Variants in ABR observed in about 807,000 individuals in gnomAD.
ABR encodes the protein ABR activator of RhoGEF and GTPase.
Under a neutral mutation model 107.2 loss-of-function variants are expected in ABR, and 35 were observed. The observed-to-expected ratio is 0.33, with a 90% confidence interval of 0.25 to 0.43. The LOEUF is 0.43. Ranked by LOEUF, ABR falls within the 20% of genes least tolerant of loss-of-function variation. The pLI, the probability that ABR is intolerant of heterozygous loss-of-function variation, is 1.00. For synonymous variants in ABR, 498 were observed against 462.0 expected (o/e 1.08, Z -1.00); for missense variants, 815 against 1,115.2 (o/e 0.73, Z 3.83).
chr17:1,203,314 GC>G (rs1292286756), intron 1 of ABR, among the ~76,000 whole-genome samples: 1 of 151,168 alleles, frequency 6.6e-6, no homozygotes, highest in Non-Finnish European at 1.5e-5. Context: ...GCTCGTGGGG[GC>G]GGAGTCCATG....
At chr17:1,025,498 G>A (rs930884372) in intron 16 of ABR, among the ~76,000 whole-genome samples, 9 of 152,186 alleles carry the variant, frequency 5.9e-5, no homozygotes, top group Non-Finnish European at 8.8e-5. Context: ...TAAAGGCCCT[G>A]TCCTGAACCG....
chr17:1,060,279 G>A (rs930959019), intron 10 of ABR, among the ~76,000 whole-genome samples: 2 of 151,992 alleles, frequency 1.3e-5, no homozygotes, highest in Non-Finnish European at 2.9e-5. Context: ...GCGTGGTGGC[G>A]GGCGCCTGTA....
chr17:1,223,286 A>T (rs28672077), intron 1 of ABR, among the ~76,000 whole-genome samples: 76,945 of 149,460 alleles, frequency 0.51, 20,162 homozygotes, highest in Middle Eastern at 0.57. Flanking sequence ...CATCTCAAAC[A>T]AACAAAAAAT....
intron 3 of ABR, among the ~76,000 whole-genome samples, chr17:1,095,624 C>T (rs2037365602): frequency 6.6e-6 from 1 of 152,156 alleles, no homozygotes; most frequent in Non-Finnish European, 1.5e-5. Context: ...GGCCCCGGCT[C>T]TCCATTTCAC....
intron 1 of ABR, among the ~76,000 whole-genome samples, chr17:1,195,135 G>T (rs1347628382): frequency 1.2e-4 from 17 of 140,550 alleles, no homozygotes; most frequent in South Asian, 5.0e-4. Flanking sequence ...GTGAAACCCC[G>T]TCTCTACTAA....
rs1597317708 is a variant in ABR at position 1,004,890 on chromosome 17, G to C, written c.*1190C>G. 7.6e-6 allele frequency: 3 copies of C among 397,258 alleles called. No homozygotes were observed. The highest frequency in any genetic ancestry group is 7.1e-5 in the East Asian group (2 of 28,058). 24.6% of individuals were successfully genotyped at this position (397,258 alleles called of 1,614,324 possible). The stretch of plus-strand genomic sequence containing the variant: ...GTCCTGGAGGACCGTGGCAGTGCTT[G>C]GCTGTGGAGTGTGTGTAAAATCTAA... On this transcript the variant is annotated 3_prime_UTR_variant, in exon 23 of 23. Coordinates refer to ENST00000302538, the MANE Select transcript of ABR (RefSeq NM_021962.5).
At chr17:1,106,025 T>G (rs1445620678) in intron 2 of ABR, among the ~76,000 whole-genome samples, 1 of 152,246 alleles carries the variant, frequency 6.6e-6, no homozygotes, top group Non-Finnish European at 1.5e-5. Context: ...GAAACATTTT[T>G]GGCAAGTGTA....
At chr17:1,069,355 TAATA>T (rs1231612602) in intron 9 of ABR, among the ~76,000 whole-genome samples, 1 of 152,144 alleles carries the variant, frequency 6.6e-6, no homozygotes, top group Non-Finnish European at 1.5e-5. Flanking sequence ...TTAAGTTAAT[TAATA>T]TAGTTTTTAA....
chr17:1,119,806 G>A (rs755884000), intron 2 of ABR, among the ~76,000 whole-genome samples: 26 of 152,242 alleles, frequency 1.7e-4, no homozygotes, highest in Non-Finnish European at 3.2e-4. Flanking sequence ...ACAGCGCTGT[G>A]CAGGCTCTGG....
At chr17:1,021,396 G>A (rs1054357171) in intron 16 of ABR, among the ~76,000 whole-genome samples, 1 of 152,288 alleles carries the variant, frequency 6.6e-6, no homozygotes, top group East Asian at 1.9e-4. Flanking sequence ...GCCCTCGGGG[G>A]CCGCCCCATC....
upstream of ABR, among the ~76,000 whole-genome samples, chr17:1,183,070 G>A (rs764241773): frequency 1.3e-5 from 2 of 152,146 alleles, no homozygotes; most frequent in Non-Finnish European, 1.5e-5. Flanking sequence ...CTTCTCCTCC[G>A]GGCTTTGCCA....
chr17:1,028,523 C>A (rs1350173756), intron 16 of ABR, among the ~76,000 whole-genome samples: 1 of 152,184 alleles, frequency 6.6e-6, no homozygotes, highest in Non-Finnish European at 1.5e-5. Flanking sequence ...GAAGCTTCCC[C>A]GAATGGCCCA....
chr17:1,077,364 G>T (rs1359765601), intron 6 of ABR, among the ~76,000 whole-genome samples: 1 of 152,184 alleles, frequency 6.6e-6, no homozygotes, highest in Non-Finnish European at 1.5e-5. Context: ...CCGTTTCACT[G>T]AGTCGAAGCT....
chr17:1,086,680 T>C (rs1325736026), intron 4 of ABR, among the ~76,000 whole-genome samples: 2 of 152,140 alleles, frequency 1.3e-5, no homozygotes, highest in African/African-American at 4.8e-5. Flanking sequence ...TTTGTATTTT[T>C]AGTAGAGACA....
chr17:1,177,621 CAG>C (rs139482298), intron 1 of ABR, among the ~76,000 whole-genome samples: 2,211 of 152,236 alleles, frequency 0.015, 48 homozygotes, highest in African/African-American at 0.05. Flanking sequence ...ATGATCAGCT[CAG>C]AGGAGTCTTC....
At chr17:1,075,786 A>G (rs2035654253) in intron 6 of ABR, among the ~76,000 whole-genome samples, 1 of 152,232 alleles carries the variant, frequency 6.6e-6, no homozygotes, top group South Asian at 2.1e-4. Context: ...TCACGCCTGT[A>G]ATCCCAGCAC....
chr17:1,036,524 G>A (rs1202360920), intron 16 of ABR, among the ~76,000 whole-genome samples: 5 of 152,140 alleles, frequency 3.3e-5, no homozygotes, highest in South Asian at 4.1e-4. Flanking sequence ...AGAGCAGGGC[G>A]GACCCGAGGC....
At chr17:1,023,650 C>T (rs551475546) in intron 16 of ABR, among the ~76,000 whole-genome samples, 24 of 152,320 alleles carry the variant, frequency 1.6e-4, no homozygotes, top group African/African-American at 5.5e-4. Flanking sequence ...GGAAGCTTCA[C>T]GCTGGAGGCC....
chr17:1,204,215 C>T (rs996814793), intron 1 of ABR, among the ~76,000 whole-genome samples: 3 of 152,198 alleles, frequency 2.0e-5, no homozygotes, highest in South Asian at 4.1e-4. Flanking sequence ...GAGGACGAGG[C>T]GGGCGGATCA....
Sources: allele counts gnomAD v4.1 joint callset (sites outside exome capture counted in the v4.1 genomes callset), GRCh38; gene constraint gnomAD v4.1.1; transcripts MANE v1.5; gene names NCBI Gene and HGNC (gene_info 2026-07-23, HGNC 2026-07-21).